MDGA2: variants seen among roughly 807,000 people sequenced by gnomAD.
MDGA2 encodes MAM domain containing glycosylphosphatidylinositol anchor 2.
Under a neutral mutation model 117.8 loss-of-function variants are expected in MDGA2, and 40 were observed. The ratio of observed to expected loss-of-function variants is 0.34; its 90% confidence interval spans 0.26 to 0.44. MDGA2 has a LOEUF of 0.44. Among genes scored for constraint, MDGA2 ranks in the 20% least tolerant of loss-of-function variants. The pLI, the probability that MDGA2 is intolerant of heterozygous loss-of-function variation, is 1.00. For synonymous variants in MDGA2, 452 were observed against 439.0 expected (o/e 1.03, Z -0.37); for missense variants, 1,123 against 1,250.6 (o/e 0.90, Z 1.54).
intron 4 of MDGA2, among the ~76,000 whole-genome samples, chr14:47,140,605 G>A (rs1882676948): frequency 6.6e-6 from 1 of 152,130 alleles, no homozygotes; most frequent in East Asian, 1.9e-4. Flanking sequence ...TCAGTAGATA[G>A]TGCTGGGAAG....
chr14:47,589,566 AG>A (rs1245396210), intron 1 of MDGA2, among the ~76,000 whole-genome samples: 3 of 151,968 alleles, frequency 2.0e-5, no homozygotes, highest in African/African-American at 7.2e-5. Flanking sequence ...TGATTACTGC[AG>A]TTTTGTAGTA....
chr14:46,929,778 G>T (rs1363737304), intron 9 of MDGA2, among the ~76,000 whole-genome samples: 1 of 148,934 alleles, frequency 6.7e-6, no homozygotes, highest in Non-Finnish European at 1.5e-5. Context: ...AGCCTCCAGG[G>T]TAGCTGGGAT....
chr14:47,412,426 C>T (rs889506802), intron 1 of MDGA2, among the ~76,000 whole-genome samples: 5 of 152,048 alleles, frequency 3.3e-5, no homozygotes, highest in South Asian at 4.1e-4. Flanking sequence ...GGAATACAGG[C>T]GCATGCCACA....
chr14:47,600,239 T>C (rs116573460), intron 1 of MDGA2, among the ~76,000 whole-genome samples: 3,030 of 151,966 alleles, frequency 0.02, 98 homozygotes, highest in African/African-American at 0.069. Flanking sequence ...GCACTAAAAA[T>C]ACAAAAAAGC....
intron 9 of MDGA2, among the ~76,000 whole-genome samples, chr14:46,933,812 A>G (rs2138557419): frequency 2.4e-5 from 1 of 42,318 alleles, no homozygotes; most frequent in South Asian, 1.4e-3. Context: ...ATATATATAT[A>G]TATATATATA....
intron 3 of MDGA2, among the ~76,000 whole-genome samples, chr14:47,210,856 T>C (rs973957369): frequency 6.6e-6 from 1 of 152,074 alleles, no homozygotes; most frequent in Non-Finnish European, 1.5e-5. Flanking sequence ...CCACTATGCA[T>C]GCCTGTAGTC....
rs1442598550 is a variant in MDGA2 at position 46,957,240 on chromosome 14, ACT to A, written c.2089+132_2089+133del. 6 of 826,914 alleles carry A rather than the reference ACT, an allele frequency of 7.3e-6. No homozygotes were observed. In the African/African-American group the frequency reaches 1.0e-4, roughly 14 times the overall value. The allele number at this position is 826,914 out of a possible 1,614,324, so 51.2% of individuals were successfully genotyped here. A position where few individuals can be genotyped will look rare whatever the true frequency, so the allele number is the denominator to read the frequency against. ...TTGACTTAAAAATAAATTTGTAGAA[ACT>A]CTAACTTGAGGAGTCAAGCTGTTCT... On this transcript the variant is annotated intron_variant, in intron 9 of 16. Transcript: ENST00000399232.
chr14:47,478,652 G>A lies in MDGA2; in HGVS notation c.281-177102C>T, dbSNP rs758727898. ...CAGCCTCCCAAAGTGCTTGGACTAC[G>A]GACATGAGCCACTGCACCTGGTTGC... is the stretch of plus-strand genomic sequence containing the variant. On this transcript the variant is annotated intron_variant, in intron 1 of 16. Coordinates refer to ENST00000399232, the MANE Select transcript of MDGA2 (RefSeq NM_001113498.3). Among the ~76,000 whole-genome samples the A allele has an allele frequency of 1.7e-4, 26 of 152,154 alleles. 1 individual carries two copies. Among genetic ancestry groups the A allele is most frequent in the African/African-American group, 5.1e-4 (21 of 41,514 alleles).
At chr14:47,374,378 T>C (rs181782007) in intron 1 of MDGA2, among the ~76,000 whole-genome samples, 197 of 152,278 alleles carry the variant, frequency 1.3e-3, no homozygotes, top group Non-Finnish European at 2.2e-3. Flanking sequence ...CCTCGATTTC[T>C]GGTTATTCAC....
At chr14:46,881,534 A>G (rs1233653103) in intron 11 of MDGA2, among the ~76,000 whole-genome samples, 4 of 152,118 alleles carry the variant, frequency 2.6e-5, no homozygotes, top group South Asian at 2.1e-4. Flanking sequence ...TTGTTAATCA[A>G]TTTTTACCAA....
intron 8 of MDGA2, among the ~76,000 whole-genome samples, chr14:46,976,750 AC>A (rs1199855772): frequency 6.6e-6 from 1 of 151,892 alleles, no homozygotes; most frequent in Non-Finnish European, 1.5e-5. Flanking sequence ...TATTTAACAT[AC>A]TTTTTTTCTC....
chr14:47,100,265 G>T (rs1327469580), intron 5 of MDGA2, among the ~76,000 whole-genome samples: 3 of 152,028 alleles, frequency 2.0e-5, no homozygotes, highest in Non-Finnish European at 4.4e-5. Context: ...TAGCACTTGT[G>T]TAGGTAAGTG....
intron 1 of MDGA2, among the ~76,000 whole-genome samples, chr14:47,340,727 C>T (rs12890770): frequency 0.13 from 19,411 of 152,168 alleles, 1,381 homozygotes; most frequent in African/African-American, 0.19. Context: ...TGGCAAATGT[C>T]AATTAAGTTC....
intron 5 of MDGA2, among the ~76,000 whole-genome samples, chr14:47,110,682 C>T (rs2139053327): frequency 6.6e-6 from 1 of 152,224 alleles, no homozygotes; most frequent in African/African-American, 2.4e-5. Context: ...TTTAACTCTG[C>T]TGGGCCTCTG....
chr14:46,852,204 T>C (rs1043876455), intron 15 of MDGA2, among the ~76,000 whole-genome samples: 39 of 151,940 alleles, frequency 2.6e-4, no homozygotes, highest in African/African-American at 9.2e-4. Flanking sequence ...TTTGTTTCCA[T>C]GAAAAATAGA....
intron 1 of MDGA2, among the ~76,000 whole-genome samples, chr14:47,479,083 G>T (rs1244007228): frequency 6.6e-6 from 1 of 152,164 alleles, no homozygotes; most frequent in Non-Finnish European, 1.5e-5. Flanking sequence ...AATTTGCAAG[G>T]TGATTTGCAT....
At chr14:47,628,899 T>A (rs1247034538) in intron 1 of MDGA2, among the ~76,000 whole-genome samples, 1 of 152,166 alleles carries the variant, frequency 6.6e-6, no homozygotes, top group African/African-American at 2.4e-5. Context: ...TATATAAAGG[T>A]CAGCCCCATA....
At chr14:47,590,470 T>G (rs1041154351) in intron 1 of MDGA2, among the ~76,000 whole-genome samples, 2 of 151,824 alleles carry the variant, frequency 1.3e-5, no homozygotes, top group African/African-American at 4.8e-5. Context: ...ATACAGGGCA[T>G]GATTATGAAT....
chr14:47,174,372 T>C (rs1277298603), intron 3 of MDGA2, among the ~76,000 whole-genome samples: 1 of 152,088 alleles, frequency 6.6e-6, no homozygotes, highest in Non-Finnish European at 1.5e-5. Flanking sequence ...ACCACACCTA[T>C]TCCAAAATTG....
Sources: allele counts gnomAD v4.1 joint callset (sites outside exome capture counted in the v4.1 genomes callset), GRCh38; gene constraint gnomAD v4.1.1; transcripts MANE v1.5; gene names NCBI Gene and HGNC (gene_info 2026-07-23, HGNC 2026-07-21).